The following ITFG2 variants were observed in gnomAD, a reference collection of about 807,000 sequenced individuals.
The protein encoded by ITFG2 is integrin alpha FG-GAP repeat containing 2.
ITFG2 carries 36 observed loss-of-function variants against 54.4 expected under a neutral mutation model. The ratio of observed to expected loss-of-function variants is 0.66; its 90% confidence interval spans 0.51 to 0.87. The LOEUF is 0.87. Ranked by LOEUF, ITFG2 falls within the 40% of genes least tolerant of loss-of-function variation. The probability of loss-of-function intolerance (pLI) is 0.00; values close to 1 mark genes in which losing one functional copy is unlikely to be tolerated. For missense variants in ITFG2, 524 were observed against 576.7 expected, an observed-to-expected ratio of 0.91 and a Z score of 0.94; for synonymous variants, 211 against 225.4, an observed-to-expected ratio of 0.94 and a Z score of 0.57.
chr12:2,812,897 C>G (rs1369452749), intron 1 of ITFG2, 41 bp downstream of exon 1: 4 of 1,538,634 alleles, frequency 2.6e-6, no homozygotes, highest in Non-Finnish European at 3.6e-6. Context: ...TGGATCTGTG[C>G]AGGGACGGGG....
downstream of ITFG2, chr12:2,827,737 C>G: frequency 6.2e-7 from 1 of 1,612,314 alleles, no homozygotes. The surrounding 1 kb of genome is among the most constrained non-coding windows in gnomAD (Gnocchi z 4.0). Context: ...CTGCTGCCCT[C>G]CTCTTAGCCG....
chr12:2,826,204 TAA>T (rs5796030), downstream of ITFG2: 67 of 135,406 alleles, frequency 4.9e-4, no homozygotes, highest in Middle Eastern at 0.011. Context: ...CCCCAAACTT[TAA>T]AAAAAAAAAA....
At chr12:2,842,448 A>G (rs1356956266) in intron 2 of ITFG2, among the ~76,000 whole-genome samples, 1 of 151,740 alleles carries the variant, frequency 6.6e-6, no homozygotes, top group Non-Finnish European at 1.5e-5. Flanking sequence ...AAAAAAAGTA[A>G]GAAATGTTTT....
At chr12:2,858,778 G>C (rs2098098728) in intron 3 of ITFG2, 2 of 1,614,126 alleles carry the variant, frequency 1.2e-6, no homozygotes, top group Admixed American at 1.7e-5. Context: ...CCTTCTGTCA[G>C]AGAACGATTG....
chr12:2,847,675 A>AG (rs1377683860), intron 2 of ITFG2, among the ~76,000 whole-genome samples: 1 of 151,688 alleles, frequency 6.6e-6, no homozygotes, highest in African/African-American at 2.4e-5. Flanking sequence ...AAAAAAAAAA[A>AG]AAAAAGCCCC....
Position 2,841,131 on chromosome 12 carries a change from C to G in ITFG2, n.300+136C>G, listed in dbSNP as rs1376931655. The G allele has an allele frequency of 2.6e-5, 4 of 152,684 alleles. No homozygotes were observed. In the East Asian group the frequency reaches 7.7e-4, roughly 29 times the overall value. 9.5% of individuals were successfully genotyped at this position (152,684 alleles called of 1,614,324 possible). ...GCTAGTCACTCACATCTGCTAACAA[C>G]AGACTGGCTGCAGTACAGAACGTCA... On this transcript the variant is annotated intron_variant and non_coding_transcript_variant, in intron 2 of 3. Transcript: ENST00000537710.
At position 2,812,817 on chromosome 12, in the gene ITFG2, C is replaced by G. The variant is rs1439631587; in HGVS notation, c.57C>G (p.Phe19Leu). Residue 19 changes from phenylalanine (F) to leucine (L), a missense_variant, in exon 1 of 12, where the codon TTC becomes TTG. Phe to Leu is a conservative substitution (Grantham distance 22). Coordinates refer to ENST00000228799, the MANE Select transcript of ITFG2 (RefSeq NM_018463.4). ...RVALEFSGSLFPHAICLGDVD... is the reference protein window; with the variant it reads ...RVALEFSGSLLPHAICLGDVD... ...CGCTGGAGTTCAGCGGGAGCCTCTTCCCGCACGCAATCTGCCTCGGAGACG... is the reference window on the plus strand; with the variant it reads ...CGCTGGAGTTCAGCGGGAGCCTCTTGCCGCACGCAATCTGCCTCGGAGACG... 2 of 1,613,206 alleles carry G rather than the reference C, an allele frequency of 1.2e-6. No individual in the cohort carries two copies. The highest frequency in any genetic ancestry group is 2.2e-5 in the South Asian group (2 of 91,074).
chr12:2,828,114 G>A, downstream of ITFG2: 3 of 1,439,738 alleles, frequency 2.1e-6, no homozygotes, highest in Non-Finnish European at 2.9e-6. Context: ...TTAATCAGCA[G>A]GTGTCCCTCT....
chr12:2,817,610 G>A, intron 2 of ITFG2: 2 of 514,204 alleles, frequency 3.9e-6, no homozygotes, highest in Non-Finnish European at 6.9e-6. Context: ...GTCAAAAATG[G>A]GGGCAATAAT....
chr12:2,854,913 C>T (rs1484392089), intron 2 of ITFG2: 9 of 1,534,256 alleles, frequency 5.9e-6, no homozygotes, highest in African/African-American at 4.1e-5. Flanking sequence ...AGCTCGCTGG[C>T]GGCTGGATGT....
At chr12:2,837,721 C>T (rs993838978) in intron 1 of ITFG2, among the ~76,000 whole-genome samples, 2 of 152,040 alleles carry the variant, frequency 1.3e-5, no homozygotes, top group African/African-American at 4.8e-5. Flanking sequence ...CTCAACTACT[C>T]AGGAGGCTGA....
intron 3 of ITFG2, chr12:2,858,660 T>C: frequency 6.2e-7 from 1 of 1,614,036 alleles, no homozygotes; most frequent in Non-Finnish European, 8.5e-7. Flanking sequence ...AGGAATAAAC[T>C]GGGACCAGTT....
chr12:2,842,120 C>CTT (rs71057841), intron 2 of ITFG2, among the ~76,000 whole-genome samples: 21,846 of 108,684 alleles, frequency 0.2, 4,404 homozygotes, highest in African/African-American at 0.37. Flanking sequence ...TCACTTGTTT[C>CTT]TTTTTTTTTT....
intron 4 of ITFG2, among the ~76,000 whole-genome samples, chr12:2,819,244 C>T (rs890709046): frequency 2.0e-5 from 3 of 152,026 alleles, no homozygotes; most frequent in Admixed American, 6.6e-5. Flanking sequence ...GAGGGCAGAC[C>T]ACAAGGTCAG....
rs746630510 is a variant in ITFG2, at chr12:2,859,269, C to A, written n.621-265C>A. On this transcript the variant is annotated intron_variant and non_coding_transcript_variant, in intron 3 of 3. Transcript: ENST00000537710. ...GAAGAGCAGCTCCGGCTCATCCACA[C>A]AGGGAGGCAGTAGATGCTGTTTTCT... 21 of 1,613,636 alleles carry A rather than the reference C, an allele frequency of 1.3e-5. No individual in the cohort carries two copies. In the African/African-American group the frequency reaches 2.8e-4, roughly 22 times the overall value.
chr12:2,820,131 T>G lies in ITFG2; in HGVS notation c.452T>G (p.Val151Gly), dbSNP rs1487481212. The change falls in exon 5 of 12, where the codon GTG (valine) becomes GGG (glycine). Residue 151 changes from valine (V) to glycine (G), a missense_variant. Transcript: ENST00000228799. ...CTGGTGGTGGGCTACACAGACCGTG[T>G]GGTGCGAGCTTTCCGCTGGGAGGAG... ...RELVVGYTDR[V>G]VRAFRWEELG... 6.2e-7 allele frequency: 1 copy of G among 1,613,820 alleles called. No homozygotes were observed. The highest frequency in any genetic ancestry group is 1.3e-5 in the African/African-American group (1 of 75,004).
intron 1 of ITFG2, among the ~76,000 whole-genome samples, chr12:2,839,381 A>G (rs1040472087): frequency 1.3e-5 from 2 of 152,240 alleles, no homozygotes; most frequent in African/African-American, 4.8e-5. Context: ...CCAACTATTC[A>G]GGAAGATTAA....
downstream of ITFG2, chr12:2,827,718 C>T (rs1046901136): frequency 1.1e-5 from 17 of 1,613,182 alleles, no homozygotes; most frequent in Non-Finnish European, 1.4e-5. This position sits in a 1 kb window ranked among gnomAD's most constrained non-coding sequence, Gnocchi z 4.0. Flanking sequence ...TGAGGGTTCC[C>T]AGTGGTCACT....
intron 1 of ITFG2, among the ~76,000 whole-genome samples, chr12:2,838,695 C>T (rs776514473): frequency 3.9e-5 from 6 of 152,172 alleles, no homozygotes; most frequent in Non-Finnish European, 7.3e-5. Flanking sequence ...TACTGTCTCA[C>T]TGCCATCTTG....
Sources: gnomAD v4.1 joint callset for allele counts (sites outside exome capture counted in the v4.1 genomes callset) on GRCh38, gnomAD v4.1.1 for gene constraint, Gnocchi (gnomAD v3.1) non-coding constraint, MANE v1.5 for transcripts, NCBI Gene and HGNC (gene_info 2026-07-23, HGNC 2026-07-21) for gene names.